The following TRPM3 variants were observed in gnomAD, a reference collection of about 807,000 sequenced individuals.
TRPM3 encodes the protein transient receptor potential cation channel subfamily M member 3, also known as long transient receptor potential channel 3.
In TRPM3, 77 loss-of-function variants were observed where a neutral mutation model predicts 181.2. The ratio of observed to expected loss-of-function variants is 0.42; its 90% CI spans 0.35 to 0.51. The LOEUF (loss-of-function observed/expected upper bound fraction) is 0.51, where lower values mean the gene tolerates loss of function less well. Ranked by LOEUF, TRPM3 falls within the 20% of genes least tolerant of loss-of-function variation. TRPM3 has a pLI of 0.01. For missense variants in TRPM3, 1,759 were observed against 2,196.7 expected (o/e 0.80, Z 3.98); for synonymous variants, 745 against 796.4 (o/e 0.94, Z 1.09).
At chr9:70,781,665 G>A (rs1341983339) in intron 7 of TRPM3, among the ~76,000 whole-genome samples, 2 of 152,044 alleles carry the variant, frequency 1.3e-5, no homozygotes, top group Non-Finnish European at 2.9e-5. Context: ...TACCAGCAGG[G>A]ATTCTGGCCT....
At chr9:71,129,578 A>C (rs1386271155) in intron 1 of TRPM3, among the ~76,000 whole-genome samples, 1 of 152,230 alleles carries the variant, frequency 6.6e-6, no homozygotes, top group Non-Finnish European at 1.5e-5. Flanking sequence ...ACTGGTTAAG[A>C]AACCTGCAGA....
chr9:70,863,245 G>A (rs1446607489), intron 2 of TRPM3, 133 bp from the exon 3 acceptor site: 2 of 700,514 alleles, frequency 2.9e-6, no homozygotes, highest in Non-Finnish European at 4.7e-6. Context: ...ATTCCACCAT[G>A]TGGCTATATC....
intron 1 of TRPM3, among the ~76,000 whole-genome samples, chr9:71,309,685 T>C (rs1175725233): frequency 3.3e-5 from 5 of 152,144 alleles, no homozygotes; most frequent in Admixed American, 2.6e-4. Context: ...AACTTGAATA[T>C]TGATTTCATT....
At chr9:70,570,153 A>G (rs2051824661) in intron 22 of TRPM3, among the ~76,000 whole-genome samples, 1 of 151,958 alleles carries the variant, frequency 6.6e-6, no homozygotes, top group Non-Finnish European at 1.5e-5. Flanking sequence ...TGGGCAATCC[A>G]TCGCTAGCCT....
At chr9:71,430,168 G>T (rs1588995461) in intron 1 of TRPM3, among the ~76,000 whole-genome samples, 2 of 152,060 alleles carry the variant, frequency 1.3e-5, no homozygotes, top group East Asian at 3.9e-4. Flanking sequence ...AGGAGGGCTG[G>T]AACTTGATAA....
intron 1 of TRPM3, among the ~76,000 whole-genome samples, chr9:71,114,159 T>A (rs568782700): frequency 1.6e-4 from 24 of 152,292 alleles, no homozygotes; most frequent in Non-Finnish European, 3.1e-4. Flanking sequence ...ACCTATGCAT[T>A]AAACCTTGAA....
In TRPM3 at chr9:70,843,129, TAAA is replaced by T. The variant is rs3833697; in HGVS notation, c.677-5_677-3del. On this transcript the variant is annotated splice_region_variant and splice_polypyrimidine_tract_variant and intron_variant, in intron 4 of 25. Coordinates refer to ENST00000677713, the MANE Select transcript of TRPM3 (RefSeq NM_001366145.2). ...CATCGCCAACATGACGAATAACACCTAAAAAAAAAAGAGAAGCATTGATTTTTT... is the reference window on the plus strand; with the variant it reads ...CATCGCCAACATGACGAATAACACCTAAAAAAAGAGAAGCATTGATTTTTT... 1 of 1,392,114 alleles carries T rather than the reference TAAA, an allele frequency of 7.2e-7. No individual in the cohort carries two copies. The highest frequency in any genetic ancestry group is 9.8e-7 in the Non-Finnish European group (1 of 1,022,678). The allele number at this position is 1,392,114 out of a possible 1,614,324, so 86.2% of individuals were successfully genotyped here.
chr9:71,440,861 A>G (rs2094127343), intron 1 of TRPM3, among the ~76,000 whole-genome samples: 1 of 152,230 alleles, frequency 6.6e-6, no homozygotes, highest in South Asian at 2.1e-4. Context: ...ATGGAAGACC[A>G]TCACAGCTGG....
intron 1 of TRPM3, among the ~76,000 whole-genome samples, chr9:71,070,636 T>C (rs1240767085): frequency 2.0e-5 from 3 of 152,212 alleles, no homozygotes; most frequent in African/African-American, 4.8e-5. Flanking sequence ...AATAAAAACG[T>C]ATTCACTTTT....
chr9:71,386,450 GA>G (rs1028414113), intron 1 of TRPM3, among the ~76,000 whole-genome samples: 118 of 134,140 alleles, frequency 8.8e-4, no homozygotes, highest in Middle Eastern at 3.9e-3. Flanking sequence ...TCTGTCTTTT[GA>G]AAAAAAAAAA....
intron 1 of TRPM3, among the ~76,000 whole-genome samples, chr9:70,926,639 A>G (rs2096724379): frequency 6.6e-6 from 1 of 152,242 alleles, no homozygotes; most frequent in Admixed American, 6.5e-5. Context: ...TATCGATTAT[A>G]GAAGTTAACA....
chr9:71,284,528 A>G (rs755011473), intron 1 of TRPM3, among the ~76,000 whole-genome samples: 1 of 152,324 alleles, frequency 6.6e-6, no homozygotes, highest in Middle Eastern at 3.4e-3. Context: ...AGCCTAATAA[A>G]CGCAGTACTG....
At chr9:70,878,246 G>T (rs2095908479) in intron 1 of TRPM3, among the ~76,000 whole-genome samples, 1 of 152,060 alleles carries the variant, frequency 6.6e-6, no homozygotes, top group Non-Finnish European at 1.5e-5. Flanking sequence ...CAGTTCTAAT[G>T]CAGAAGTCTT....
chr9:70,619,243 C>G, intron 16 of TRPM3, 148 bp from the exon 17 acceptor site: 2 of 650,276 alleles, frequency 3.1e-6, no homozygotes, highest in Non-Finnish European at 5.3e-6. Flanking sequence ...ATTCATCCAG[C>G]CAACATCCAC....
At chr9:70,988,458 GAC>G (rs1437277714) in intron 1 of TRPM3, among the ~76,000 whole-genome samples, 1 of 152,138 alleles carries the variant, frequency 6.6e-6, no homozygotes, top group African/African-American at 2.4e-5. Context: ...AGAAACCTAA[GAC>G]AGTTAGTTCC....
intron 1 of TRPM3, among the ~76,000 whole-genome samples, chr9:71,251,618 T>C (rs1037801136): frequency 5.9e-5 from 9 of 152,158 alleles, no homozygotes; most frequent in African/African-American, 1.7e-4. Flanking sequence ...ATGGGGCACA[T>C]GAGATATTTT....
intron 1 of TRPM3, among the ~76,000 whole-genome samples, chr9:71,407,522 G>A (rs1207166213): frequency 6.6e-6 from 1 of 151,940 alleles, no homozygotes; most frequent in African/African-American, 2.4e-5. Flanking sequence ...GTGAGGCTGG[G>A]GGATGGGCAT....
At chr9:70,583,374 G>T (rs199962833) in intron 22 of TRPM3, among the ~76,000 whole-genome samples, 2 of 152,210 alleles carry the variant, frequency 1.3e-5, no homozygotes, top group East Asian at 3.8e-4. Context: ...GAGTGGCCAG[G>T]TTACCTATGA....
chr9:71,042,885 T>C (rs2058991060), intron 1 of TRPM3, among the ~76,000 whole-genome samples: 1 of 152,168 alleles, frequency 6.6e-6, no homozygotes, highest in Admixed American at 6.5e-5. Context: ...GAAAGCACCA[T>C]GGTGTGTTAA....
Sources: allele counts gnomAD v4.1 joint callset (sites outside exome capture counted in the v4.1 genomes callset), GRCh38; gene constraint gnomAD v4.1.1; transcripts MANE v1.5; gene names NCBI Gene and HGNC (gene_info 2026-07-23, HGNC 2026-07-21).